INPP5D: variants seen among roughly 807,000 people sequenced by gnomAD.
INPP5D encodes inositol polyphosphate-5-phosphatase D, also known as phosphatidylinositol 3,4,5-trisphosphate 5-phosphatase 1.
Under a neutral mutation model 122.9 loss-of-function variants are expected in INPP5D, and 33 were observed. The observed-to-expected ratio is 0.27, with a 90% CI of 0.20 to 0.36. The LOEUF is 0.36. INPP5D is among the 10% of genes least tolerant of loss of function. The pLI is 1.00. For missense variants in INPP5D, 1,053 were observed against 1,412.7 expected (o/e 0.75, Z 4.08); for synonymous variants, 584 against 576.2 (o/e 1.01, Z -0.19).
chr2:233,143,177 G>A (rs1693665214), intron 6 of INPP5D, among the ~76,000 whole-genome samples: 1 of 152,224 alleles, frequency 6.6e-6, no homozygotes, highest in Non-Finnish European at 1.5e-5. Flanking sequence ...GCTTGGCATA[G>A]CATACAAACT....
At chr2:233,119,620 A>G (rs1447534266) in intron 2 of INPP5D, among the ~76,000 whole-genome samples, 1 of 152,176 alleles carries the variant, frequency 6.6e-6, no homozygotes, top group African/African-American at 2.4e-5. Flanking sequence ...ACACACACAC[A>G]CATACGCCCA....
chr2:233,202,913 C>T (rs1220974177), intron 25 of INPP5D, among the ~76,000 whole-genome samples: 1 of 152,206 alleles, frequency 6.6e-6, no homozygotes, highest in Non-Finnish European at 1.5e-5. Context: ...AGCTACTGGC[C>T]TTGGCTTCCC....
Position 233,188,649 on chromosome 2 carries a change from C to A in INPP5D, c.2359-1201C>A, listed in dbSNP as rs1694977391. 6.6e-6 allele frequency among the ~76,000 whole-genome samples: 1 copy of A among 152,182 alleles called. No homozygotes were observed. Among genetic ancestry groups the A allele is most frequent in the Non-Finnish European group, 1.5e-5 (1 of 68,030 alleles). The stretch of plus-strand genomic sequence containing the variant: ...CCATCTCGGCTCACTGCAACCTCCG[C>A]CTCCAAGGTTCAAGCGATTTGCCTG... On this transcript the variant is annotated intron_variant, in intron 21 of 26. Coordinates refer to ENST00000445964, the MANE Select transcript of INPP5D (RefSeq NM_001017915.3). The surrounding 1 kb of genome is among the most constrained non-coding windows in gnomAD (Gnocchi z 4.7).
intron 5 of INPP5D, among the ~76,000 whole-genome samples, chr2:233,135,046 G>C (rs1306095783): frequency 6.6e-6 from 1 of 151,688 alleles, no homozygotes; most frequent in African/African-American, 2.4e-5. Flanking sequence ...GGCAGGATAT[G>C]TTCTTGAAGA....
chr2:233,070,731 G>A (rs12617651), intron 1 of INPP5D, among the ~76,000 whole-genome samples: 9,963 of 151,998 alleles, frequency 0.066, 377 homozygotes, highest in Middle Eastern at 0.13. Flanking sequence ...GTGAGCCACC[G>A]CGCCCGGCCA....
At position 233,105,506 on chromosome 2, in the gene INPP5D, C is replaced by T. The variant is rs777050462; in HGVS notation, c.199-16601C>T. The stretch of plus-strand genomic sequence containing the variant: ...CTCTTCACAAGCCTCTGCACCTGGT[C>T]ATATTTTCTTAGTTGTTTATGGTTC... On this transcript the variant is annotated intron_variant, in intron 2 of 26. Coordinates refer to ENST00000445964, the MANE Select transcript of INPP5D (RefSeq NM_001017915.3). The surrounding 1 kb of genome is among the most constrained non-coding windows in gnomAD (Gnocchi z 4.0). Among the ~76,000 whole-genome samples the T allele has an allele frequency of 6.6e-6, 1 of 152,190 alleles. No homozygotes were observed. The highest frequency in any genetic ancestry group is 2.4e-5 in the African/African-American group (1 of 41,440).
intron 25 of INPP5D, among the ~76,000 whole-genome samples, chr2:233,201,934 A>T (rs1432680775): frequency 6.6e-6 from 1 of 152,194 alleles, no homozygotes; most frequent in Non-Finnish European, 1.5e-5. Context: ...ACCTTTGGTC[A>T]GGGGAATAAG....
At chr2:233,185,778 A>T in intron 20 of INPP5D, 65 bp from the exon 21 acceptor site, 1 of 1,442,120 alleles carries the variant, frequency 6.9e-7, no homozygotes, top group African/African-American at 1.4e-5. Context: ...GGGTGACCCC[A>T]GGGAGTCTTT....
At chr2:233,191,009 A>T (rs1276597038) in intron 22 of INPP5D, among the ~76,000 whole-genome samples, 1 of 152,214 alleles carries the variant, frequency 6.6e-6, no homozygotes, top group Non-Finnish European at 1.5e-5. Context: ...AGAGGAATGG[A>T]GTAGAAAACT....
At chr2:233,087,646 A>C (rs1691888128) in intron 2 of INPP5D, among the ~76,000 whole-genome samples, 1 of 152,238 alleles carries the variant, frequency 6.6e-6, no homozygotes, top group South Asian at 2.1e-4. Flanking sequence ...GAAAATATAC[A>C]TTTTTATATT....
intron 20 of INPP5D, among the ~76,000 whole-genome samples, chr2:233,184,975 C>A (rs1354017264): frequency 6.6e-6 from 1 of 152,076 alleles, no homozygotes; most frequent in African/African-American, 2.4e-5. Flanking sequence ...CTCGGGGGGA[C>A]TGCAGCGTCC....
chr2:233,130,910 G>T (rs1301935041), intron 5 of INPP5D: 1 of 621,748 alleles, frequency 1.6e-6, no homozygotes, highest in African/African-American at 1.8e-5. Flanking sequence ...AGCGGATGGG[G>T]TGGGAGGACA....
rs978861608 is a variant in INPP5D at position 233,078,991 on chromosome 2, C to T, written c.135-344C>T. Among the ~76,000 whole-genome samples, 2 of 152,040 alleles carry T rather than the reference C, an allele frequency of 1.3e-5. No homozygotes were observed. The highest frequency in any genetic ancestry group is 4.8e-5 in the African/African-American group (2 of 41,394). On this transcript the variant is annotated intron_variant, in intron 1 of 26. Coordinates refer to ENST00000445964, the MANE Select transcript of INPP5D (RefSeq NM_001017915.3). This position sits in a 1 kb window ranked among gnomAD's most constrained non-coding sequence, Gnocchi z 4.6. The stretch of plus-strand genomic sequence containing the variant: ...CCACCGTGCCTGGCCTGCAAGCACC[C>T]ACTCTTGCTCTATCTTCTTGGCAGC...
chr2:233,195,328 C>A (rs1026859327), intron 23 of INPP5D, 71 bp from the exon 24 acceptor site: 1 of 1,609,644 alleles, frequency 6.2e-7, no homozygotes, highest in Non-Finnish European at 8.5e-7. Context: ...AATGGAAACC[C>A]CTTTGCCATC....
At chr2:233,067,952 G>A (rs1384936736) in intron 1 of INPP5D, among the ~76,000 whole-genome samples, 2 of 152,108 alleles carry the variant, frequency 1.3e-5, no homozygotes, top group African/African-American at 4.8e-5. Context: ...CCCAAGTCCA[G>A]GCATGTGGTA....
intron 2 of INPP5D, among the ~76,000 whole-genome samples, chr2:233,081,524 C>A (rs1410962019): frequency 6.6e-6 from 1 of 152,188 alleles, no homozygotes; most frequent in South Asian, 2.1e-4. Flanking sequence ...GTGTAGACTG[C>A]GTCTCCGGTT....
chr2:233,145,877 A>C, intron 6 of INPP5D: 1 of 593,798 alleles, frequency 1.7e-6, no homozygotes, highest in Non-Finnish European at 3.2e-6. Context: ...ATGCAAGGAC[A>C]GTCCTCGAGT....
At position 233,177,235 on chromosome 2, in the gene INPP5D, T is replaced by A; in HGVS notation, c.1990-30T>A. On this transcript the variant is annotated intron_variant, in intron 17 of 26. Transcript: ENST00000445964. This position sits in a 1 kb window ranked among gnomAD's most constrained non-coding sequence, Gnocchi z 4.2. ...ATTAAAAAAATAATAATAAGAGGCATTTTTTAAAGCCTATGACTTTGATTT... is the reference window on the plus strand; with the variant it reads ...ATTAAAAAAATAATAATAAGAGGCAATTTTTAAAGCCTATGACTTTGATTT... The A allele has an allele frequency of 6.2e-7, 1 of 1,613,256 alleles. No homozygotes were observed. The highest frequency in any genetic ancestry group is 8.5e-7 in the Non-Finnish European group (1 of 1,179,442).
At chr2:233,151,880 C>T (rs1693934069) in intron 9 of INPP5D, among the ~76,000 whole-genome samples, 1 of 152,210 alleles carries the variant, frequency 6.6e-6, no homozygotes, top group Non-Finnish European at 1.5e-5. Flanking sequence ...TGAATGAATG[C>T]ACACATGAAT....
Sources: allele counts gnomAD v4.1 joint callset (sites outside exome capture counted in the v4.1 genomes callset), GRCh38; gene constraint gnomAD v4.1.1; non-coding constraint Gnocchi (gnomAD v3.1); transcripts MANE v1.5; gene names NCBI Gene and HGNC (gene_info 2026-07-23, HGNC 2026-07-21).